The following PPIH variants were observed in gnomAD, a reference collection of about 807,000 sequenced individuals.
PPIH encodes the protein peptidylprolyl isomerase H, also known as peptidyl-prolyl cis-trans isomerase H.
In PPIH, 16 loss-of-function variants were observed where a neutral mutation model predicts 27.6. The ratio of observed to expected loss-of-function variants is 0.58; its 90% confidence interval spans 0.39 to 0.88. The LOEUF (loss-of-function observed/expected upper bound fraction) is 0.88. Ranked by LOEUF, PPIH falls within the 40% of genes least tolerant of loss-of-function variation. The pLI is 0.00. For synonymous variants in PPIH, 63 were observed against 76.1 expected, an observed-to-expected ratio of 0.83 and a Z score of 0.90; for missense variants, 155 against 224.1, an observed-to-expected ratio of 0.69 and a Z score of 1.97.
intron 7 of PPIH, 137 bp downstream of exon 7, chr1:42,666,204 G>T: frequency 1.3e-6 from 1 of 791,682 alleles, no homozygotes; most frequent in Non-Finnish European, 2.1e-6. Context: ...AACAGAAATG[G>T]TGGGGAGGTG....
chr1:42,667,873 A>T (rs1416552612), intron 9 of PPIH, among the ~76,000 whole-genome samples: 3 of 152,198 alleles, frequency 2.0e-5, no homozygotes, highest in South Asian at 2.1e-4. Flanking sequence ...ATCAGAACTG[A>T]TACTGCAATT....
At chr1:42,671,950 C>T (rs2148724397) in intron 9 of PPIH, among the ~76,000 whole-genome samples, 1 of 150,322 alleles carries the variant, frequency 6.7e-6, no homozygotes, top group South Asian at 2.1e-4. Context: ...GTGGCGCGAT[C>T]TCGGCTCACT....
intron 9 of PPIH, among the ~76,000 whole-genome samples, chr1:42,673,497 C>T (rs1468793278): frequency 6.6e-6 from 1 of 152,136 alleles, no homozygotes; most frequent in Non-Finnish European, 1.5e-5. Context: ...GGTACCAGTA[C>T]CAAATGGTAG....
rs567392219 is a variant in PPIH, at chr1:42,664,853, C to T, written c.244-10C>T. On this transcript the variant is annotated splice_polypyrimidine_tract_variant and intron_variant, in intron 5 of 9. Coordinates refer to ENST00000304979, the MANE Select transcript of PPIH (RefSeq NM_006347.4). ...TCCAAGTCACTAATACTTCCCTTCT[C>T]TCTGCTCAGGGAGATGGTACTGGAG... 6.2e-7 allele frequency: 1 copy of T among 1,605,526 alleles called. No homozygotes were observed. Among genetic ancestry groups the T allele is most frequent in the Non-Finnish European group, 8.5e-7 (1 of 1,176,480 alleles).
chr1:42,665,099 T>C, intron 6 of PPIH, 144 bp downstream of exon 6: 2 of 695,004 alleles, frequency 2.9e-6, no homozygotes, highest in Non-Finnish European at 4.9e-6. Context: ...CCTCCTTTCT[T>C]AGTCTGGTTT....
In PPIH at chr1:42,659,321, C is replaced by G. The variant is rs116527360; in HGVS notation, c.155+70C>G. ...TGTTCTGGGGCTGCAGTGAGGGTAT[C>G]GGTGAACCACCTGCTGGCCTTGAAT... On this transcript the variant is annotated intron_variant, in intron 3 of 9. Transcript: ENST00000304979. 4,334 of 1,614,136 alleles carry G rather than the reference C, an allele frequency of 2.7e-3. 104 individuals are homozygous for G. The African/African-American group carries it at 0.05, about 19-fold the overall frequency.
chr1:42,661,330 C>T (rs1570380541), intron 5 of PPIH, among the ~76,000 whole-genome samples: 1 of 152,040 alleles, frequency 6.6e-6, no homozygotes, highest in African/African-American at 2.4e-5. Flanking sequence ...TTCTGGGTGT[C>T]ACAGTGCCTG....
chr1:42,679,448 C>T (rs796824372), downstream of PPIH, among the ~76,000 whole-genome samples: 64 of 152,298 alleles, frequency 4.2e-4, no homozygotes, highest in African/African-American at 1.4e-3. Flanking sequence ...CCTCGGCCTC[C>T]CAAAGTGCTG....
chr1:42,665,074 G>T, intron 6 of PPIH, 119 bp downstream of exon 6: 1 of 833,556 alleles, frequency 1.2e-6, no homozygotes, highest in Non-Finnish European at 1.9e-6. Flanking sequence ...CTTGGCCCAG[G>T]ACTCACCTTT....
At chr1:42,675,937 T>G (rs1225249708) in intron 9 of PPIH, among the ~76,000 whole-genome samples, 1 of 152,200 alleles carries the variant, frequency 6.6e-6, no homozygotes, top group Non-Finnish European at 1.5e-5. Flanking sequence ...GTGACTTCAG[T>G]CAAGCCATGA....
downstream of PPIH, among the ~76,000 whole-genome samples, chr1:42,680,295 G>A (rs148135835): frequency 3.3e-5 from 5 of 152,254 alleles, no homozygotes; most frequent in African/African-American, 1.2e-4. Context: ...ATTCTGTAGG[G>A]CCCTTGTAAT....
intron 5 of PPIH, among the ~76,000 whole-genome samples, chr1:42,663,387 G>GAGATCTTTTTTTTTTTTAGATGGAGTCT (rs1553131839): frequency 6.6e-6 from 1 of 152,000 alleles, no homozygotes; most frequent in African/African-American, 2.4e-5. Context: ...GATAGATCTG[G>GAGATCTTTTTTTTTTTTAGATGGAGTCT]AACTCAAATT....
At chr1:42,676,325 G>T (rs1283297768) in intron 9 of PPIH, among the ~76,000 whole-genome samples, 1 of 152,112 alleles carries the variant, frequency 6.6e-6, no homozygotes, top group Non-Finnish European at 1.5e-5. Context: ...AAAATTGGCT[G>T]GGTGTGGTGG....
At chr1:42,658,606 C>T (rs969539445) in intron 1 of PPIH, 94 bp downstream of exon 1, 5 of 1,424,242 alleles carry the variant, frequency 3.5e-6, no homozygotes, top group Non-Finnish European at 4.9e-6. Flanking sequence ...ACTCGGGAAG[C>T]CAGCCAGAAA....
rs745317802 is a variant in PPIH at position 42,666,528 on chromosome 1, G to A, written c.425-19G>A. The A allele has an allele frequency of 8.1e-6, 13 of 1,612,674 alleles. No homozygotes were observed. In the South Asian group the frequency reaches 1.4e-4, roughly 18 times the overall value. On this transcript the variant is annotated intron_variant, in intron 7 of 9. Transcript: ENST00000304979. Reference sequence around the variant, plus strand: ...GCTATGTAAACAAGAATAAAGTCCAGCTCATGCTCTTCCTACAGGAAAAAT... The same window carrying A: ...GCTATGTAAACAAGAATAAAGTCCAACTCATGCTCTTCCTACAGGAAAAAT...
chr1:42,658,781 C>A, intron 1 of PPIH, 63 bp from the exon 2 acceptor site: 1 of 1,575,360 alleles, frequency 6.3e-7, no homozygotes, highest in Non-Finnish European at 8.7e-7. Flanking sequence ...CATCATGCCC[C>A]CTGCTCCGTG....
At position 42,673,011 on chromosome 1, in the gene PPIH, T is replaced by C. The variant is rs114068488; in HGVS notation, c.*22-3573T>C. Among the ~76,000 whole-genome samples the C allele has an allele frequency of 3.9e-3, 588 of 151,814 alleles. 1 individual carries two copies. Among genetic ancestry groups the C allele is most frequent in the African/African-American group, 0.014 (563 of 41,392 alleles). On this transcript the variant is annotated intron_variant, in intron 9 of 9. Coordinates refer to ENST00000304979, the MANE Select transcript of PPIH (RefSeq NM_006347.4). The stretch of plus-strand genomic sequence containing the variant: ...AGTGAGTTCTGGGAGAGTTTTTTTT[T>C]TTAGACAGGGTCTTACTCTGTCACC...
At chr1:42,673,211 C>T (rs572698895) in intron 9 of PPIH, among the ~76,000 whole-genome samples, 1 of 152,158 alleles carries the variant, frequency 6.6e-6, no homozygotes, top group Non-Finnish European at 1.5e-5. Context: ...TCTCAAACTC[C>T]TGGCTTCAAG....
chr1:42,665,051 T>C lies in PPIH; in HGVS notation c.336+96T>C. The C allele has an allele frequency of 2.9e-6, 3 of 1,019,436 alleles. No homozygotes were observed. In the Admixed American group the frequency reaches 6.8e-5, roughly 23 times the overall value. The allele number at this position is 1,019,436 out of a possible 1,614,324, so 63.1% of individuals were successfully genotyped here. ...TGTCTCTTGGGATGGAAGCAAATGC[T>C]TTCCTTCTCTTGCTTGGCCCAGGAC... On this transcript the variant is annotated intron_variant, in intron 6 of 9. Coordinates refer to ENST00000304979, the MANE Select transcript of PPIH (RefSeq NM_006347.4).
Sources: allele counts gnomAD v4.1 joint callset (sites outside exome capture counted in the v4.1 genomes callset), GRCh38; gene constraint gnomAD v4.1.1; transcripts MANE v1.5; gene names NCBI Gene and HGNC (gene_info 2026-07-23, HGNC 2026-07-21).